Variants in QKI observed in about 807,000 individuals in gnomAD.
QKI encodes KH domain-containing RNA-binding protein QKI.
Under a neutral mutation model 39.0 loss-of-function variants are expected in QKI, and 10 were observed. The observed-to-expected ratio is 0.26, with a 90% confidence interval of 0.16 to 0.43. QKI has a LOEUF of 0.43. Among genes scored for constraint, QKI ranks in the 20% least tolerant of loss-of-function variants. QKI has a pLI of 1.00. For missense variants in QKI, 218 were observed against 428.0 expected, an observed-to-expected ratio of 0.51 and a Z score of 4.33; for synonymous variants, 204 against 155.4, an observed-to-expected ratio of 1.31 and a Z score of -2.33.
At chr6:163,544,529 T>TACACTTTGCGTG (rs1554276377) in intron 4 of QKI, among the ~76,000 whole-genome samples, 1 of 152,104 alleles carries the variant, frequency 6.6e-6, no homozygotes, top group Non-Finnish European at 1.5e-5. Context: ...GAACATCACT[T>TACACTTTGCGTG]ACACTTTGCG....
intron 2 of QKI, among the ~76,000 whole-genome samples, chr6:163,476,241 A>G (rs561013126): frequency 7.2e-5 from 11 of 151,916 alleles, no homozygotes; most frequent in Non-Finnish European, 1.6e-4. Context: ...AATATGTACA[A>G]CCATTTTAGA....
chr6:163,556,503 C>CAAAAAAAA (rs61233361), intron 4 of QKI, among the ~76,000 whole-genome samples: 14 of 83,042 alleles, frequency 1.7e-4, no homozygotes, highest in Non-Finnish European at 2.0e-4. Flanking sequence ...AATTCCACCT[C>CAAAAAAAA]AAAAAAAAAA....
chr6:163,454,120 C>T (rs530372451), intron 1 of QKI, among the ~76,000 whole-genome samples: 24 of 152,220 alleles, frequency 1.6e-4, no homozygotes, highest in African/African-American at 5.5e-4. Flanking sequence ...CCAAGGAGGA[C>T]ACAGTCTGTA....
chr6:163,433,760 CCT>C (rs1379060337), intron 1 of QKI, among the ~76,000 whole-genome samples: 1 of 151,740 alleles, frequency 6.6e-6, no homozygotes, highest in Non-Finnish European at 1.5e-5. Context: ...GAGTGAGACT[CCT>C]CTCATAAAAA....
chr6:163,502,047 G>A (rs1259307502), intron 3 of QKI, among the ~76,000 whole-genome samples: 1 of 152,102 alleles, frequency 6.6e-6, no homozygotes, highest in Non-Finnish European at 1.5e-5. Flanking sequence ...TTCTTGCCGG[G>A]CATGGTGCCT....
intron 3 of QKI, among the ~76,000 whole-genome samples, chr6:163,530,911 T>C (rs1352147537): frequency 2.6e-5 from 4 of 152,204 alleles, no homozygotes. Context: ...TATATAACAT[T>C]GATGATTTTT....
chr6:163,545,743 A>G (rs113348051), intron 4 of QKI, among the ~76,000 whole-genome samples: 3 of 152,144 alleles, frequency 2.0e-5, no homozygotes, highest in Admixed American at 6.6e-5. Flanking sequence ...CAGGTTGACA[A>G]AAGGTTTAGA....
At chr6:163,436,619 G>A (rs1240372686) in intron 1 of QKI, among the ~76,000 whole-genome samples, 8 of 151,846 alleles carry the variant, frequency 5.3e-5, no homozygotes, top group Non-Finnish European at 8.8e-5. Context: ...TTCAAGACCA[G>A]CCAGGCCAAC....
intron 4 of QKI, among the ~76,000 whole-genome samples, chr6:163,550,122 TAAAG>T (rs1290168121): frequency 6.6e-6 from 1 of 152,202 alleles, no homozygotes; most frequent in Non-Finnish European, 1.5e-5. Context: ...GGGTAATTAA[TAAAG>T]AAAAGGAATT....
intron 2 of QKI, chr6:163,457,506 A>G (rs779706353): frequency 2.1e-4 from 96 of 455,072 alleles, no homozygotes; most frequent in Non-Finnish European, 3.5e-4. Context: ...TGGGAACTGT[A>G]AATGTTCAAG....
chr6:163,508,466 A>T (rs771349567), intron 3 of QKI, among the ~76,000 whole-genome samples: 2 of 152,204 alleles, frequency 1.3e-5, no homozygotes, highest in African/African-American at 2.4e-5. Flanking sequence ...AACATGGTAG[A>T]GAGCCAGAAG....
chr6:163,503,465 T>G (rs1018136750), intron 3 of QKI, among the ~76,000 whole-genome samples: 1 of 152,098 alleles, frequency 6.6e-6, no homozygotes, highest in Non-Finnish European at 1.5e-5. Flanking sequence ...TTCCAGATAT[T>G]AGACCCTTGT....
chr6:163,484,893 T>C (rs1321590423), intron 3 of QKI, among the ~76,000 whole-genome samples: 1 of 152,102 alleles, frequency 6.6e-6, no homozygotes, highest in Non-Finnish European at 1.5e-5. Flanking sequence ...GCACATGGTG[T>C]TGGAAAAATG....
At position 163,578,553 on chromosome 6, in the gene QKI, C is replaced by G. The variant is rs999939983; in HGVS notation, c.*7843C>G. ...TATGCTTTTGTTCATTGCTTTCTCA[C>G]TGAGGTAAAACAGCATTAAAAAGTT... On this transcript the variant is annotated 3_prime_UTR_variant, in exon 8 of 8. Transcript: ENST00000361752. 2.0e-5 allele frequency: 3 copies of G among 152,142 alleles called. No individual in the cohort carries two copies. Among genetic ancestry groups the G allele is most frequent in the Non-Finnish European group, 4.4e-5 (3 of 68,036 alleles). The allele number at this position is 152,142 out of a possible 1,614,324, so 9.4% of individuals were successfully genotyped here.
intron 3 of QKI, among the ~76,000 whole-genome samples, chr6:163,520,211 T>G (rs74960997): frequency 0.017 from 2,557 of 152,308 alleles, 34 homozygotes; most frequent in Non-Finnish European, 0.026. Flanking sequence ...GAACTTCTAT[T>G]TTGTATTTCT....
chr6:163,552,195 G>A (rs1782271225), intron 4 of QKI, among the ~76,000 whole-genome samples: 1 of 137,596 alleles, frequency 7.3e-6, no homozygotes, highest in Non-Finnish European at 1.5e-5. Context: ...TCATCATAAA[G>A]TTCGTTCGTT....
chr6:163,468,165 A>G (rs2128222520), intron 2 of QKI, among the ~76,000 whole-genome samples: 1 of 152,266 alleles, frequency 6.6e-6, no homozygotes, highest in South Asian at 2.1e-4. Flanking sequence ...CTGTGAATGT[A>G]TTTGTTTCAT....
intron 1 of QKI, among the ~76,000 whole-genome samples, chr6:163,454,317 T>A (rs1790778479): frequency 6.6e-6 from 1 of 152,132 alleles, no homozygotes; most frequent in South Asian, 2.1e-4. Context: ...TTAAAAAAAA[T>A]GTCTATGTAT....
At chr6:163,542,967 T>C (rs1781634706) in intron 4 of QKI, among the ~76,000 whole-genome samples, 1 of 63,830 alleles carries the variant, frequency 1.6e-5, no homozygotes, top group Admixed American at 1.9e-4. Flanking sequence ...AAATTTAGGA[T>C]AATAGGCATC....
Sources: gnomAD v4.1 joint callset for allele counts (sites outside exome capture counted in the v4.1 genomes callset) on GRCh38, gnomAD v4.1.1 for gene constraint, MANE v1.5 for transcripts, NCBI Gene and HGNC (gene_info 2026-07-23, HGNC 2026-07-21) for gene names.